RBFOX1: variants seen among roughly 807,000 people sequenced by gnomAD.
The protein encoded by RBFOX1 is RNA binding protein fox-1 homolog 1.
Under a neutral mutation model 57.7 loss-of-function variants are expected in RBFOX1, and 8 were observed. The observed-to-expected ratio is 0.14, with a 90% confidence interval of 0.08 to 0.25. RBFOX1 has a LOEUF of 0.25. Among genes scored for constraint, RBFOX1 ranks in the 10% least tolerant of loss-of-function variants. The pLI is 1.00. For synonymous variants in RBFOX1, 326 were observed against 222.4 expected (o/e 1.47, Z -4.15); for missense variants, 611 against 548.5 (o/e 1.11, Z -1.14).
chr16:5,614,138 G>C (rs1289522545), intron 3 of RBFOX1, among the ~76,000 whole-genome samples: 2 of 152,128 alleles, frequency 1.3e-5, no homozygotes, highest in Non-Finnish European at 2.9e-5. Flanking sequence ...ACTCCCTCTA[G>C]GTTGGGAGGT....
intron 1 of RBFOX1, among the ~76,000 whole-genome samples, chr16:6,020,785 A>G (rs2095058366): frequency 6.6e-6 from 1 of 151,798 alleles, no homozygotes; most frequent in South Asian, 2.1e-4. Flanking sequence ...CCATCTCCCC[A>G]CCGCCCAGGA....
intron 4 of RBFOX1, among the ~76,000 whole-genome samples, chr16:7,324,089 C>T (rs969476748): frequency 1.3e-5 from 2 of 152,118 alleles, no homozygotes; most frequent in African/African-American, 4.8e-5. Flanking sequence ...TAATAGTCAT[C>T]ATGAATTCCC....
chr16:7,319,782 T>C (rs892777218), intron 4 of RBFOX1, among the ~76,000 whole-genome samples: 2 of 152,108 alleles, frequency 1.3e-5, no homozygotes, highest in Admixed American at 6.5e-5. Context: ...AGGTGTGGCT[T>C]TGACTGCCGG....
intron 3 of RBFOX1, among the ~76,000 whole-genome samples, chr16:5,862,057 T>A (rs1034267676): frequency 2.0e-5 from 3 of 152,100 alleles, no homozygotes; most frequent in Non-Finnish European, 4.4e-5. Context: ...TCCTTACAGC[T>A]CAAAAACCTC....
intron 1 of RBFOX1, among the ~76,000 whole-genome samples, chr16:5,379,956 C>A (rs182425235): frequency 6.6e-6 from 1 of 152,180 alleles, no homozygotes; most frequent in African/African-American, 2.4e-5. Flanking sequence ...GAGGAATCAT[C>A]CCGGGCAGGT....
intron 1 of RBFOX1, among the ~76,000 whole-genome samples, chr16:6,215,245 G>T (rs1204940998): frequency 7.6e-6 from 1 of 132,386 alleles, no homozygotes; most frequent in Non-Finnish European, 1.6e-5. Context: ...AGAAGGAGAG[G>T]GAAGGGAGAG....
chr16:5,818,664 A>G (rs1471699618), intron 3 of RBFOX1, among the ~76,000 whole-genome samples: 1 of 152,246 alleles, frequency 6.6e-6, no homozygotes, highest in Non-Finnish European at 1.5e-5. Context: ...AAAAGTTGTC[A>G]GCATGGGAGG....
At chr16:5,394,163 A>G (rs916579101) in intron 1 of RBFOX1, among the ~76,000 whole-genome samples, 3 of 152,008 alleles carry the variant, frequency 2.0e-5, no homozygotes, top group African/African-American at 7.3e-5. Context: ...AGCTGGAATT[A>G]TAGGCATGCA....
At chr16:5,907,376 T>C (rs2058486477) in intron 4 of RBFOX1, among the ~76,000 whole-genome samples, 1 of 152,108 alleles carries the variant, frequency 6.6e-6, no homozygotes, top group African/African-American at 2.4e-5. Context: ...CAAACACTTC[T>C]CCATCCAAAA....
intron 3 of RBFOX1, among the ~76,000 whole-genome samples, chr16:6,827,989 C>G (rs918586106): frequency 6.6e-6 from 1 of 152,172 alleles, no homozygotes; most frequent in Non-Finnish European, 1.5e-5. Flanking sequence ...ATCTTGTCTG[C>G]TTTTTGCTCA....
At chr16:6,636,882 AT>A (rs952442435) in intron 2 of RBFOX1, among the ~76,000 whole-genome samples, 124 of 132,604 alleles carry the variant, frequency 9.4e-4, no homozygotes, top group Admixed American at 3.3e-3. Context: ...TGTTTAATAT[AT>A]TTATATGTTT....
intron 4 of RBFOX1, among the ~76,000 whole-genome samples, chr16:7,074,769 A>G (rs976010112): frequency 6.6e-6 from 1 of 152,230 alleles, no homozygotes; most frequent in Non-Finnish European, 1.5e-5. Flanking sequence ...TATACCTGAA[A>G]ACATTATAAA....
At chr16:5,919,719 T>C (rs2058779503) in intron 4 of RBFOX1, among the ~76,000 whole-genome samples, 1 of 152,216 alleles carries the variant, frequency 6.6e-6, no homozygotes, top group South Asian at 2.1e-4. Context: ...TGATCTCGTT[T>C]CAAAACATTT....
At chr16:7,222,934 A>G (rs12598398) in intron 4 of RBFOX1, among the ~76,000 whole-genome samples, 58,693 of 151,946 alleles carry the variant, frequency 0.39, 11,858 homozygotes, top group East Asian at 0.67. Context: ...TCTCATTTGC[A>G]GCGATTTTTT....
intron 1 of RBFOX1, among the ~76,000 whole-genome samples, chr16:5,324,655 A>G (rs2064512428): frequency 6.6e-6 from 1 of 152,222 alleles, no homozygotes; most frequent in South Asian, 2.1e-4. Flanking sequence ...TGTCCTTTGC[A>G]GGAACATAGA....
rs532408362 is a variant in RBFOX1 at position 5,855,880 on chromosome 16, T to C, written c.319-11423T>C. On this transcript the variant is annotated intron_variant, in intron 3 of 19. Transcript: ENST00000641259. ...TCGGATGTCTTTGCATTTATCTGTC[T>C]TAAGTTTCCTTCATCAATATTTTAT... 5.9e-5 allele frequency among the ~76,000 whole-genome samples: 9 copies of C among 151,672 alleles called. No homozygotes were observed. The South Asian group carries it at 1.9e-3, about 32-fold the overall frequency.
At chr16:7,634,743 G>C (rs2061498268) in intron 11 of RBFOX1, among the ~76,000 whole-genome samples, 2 of 152,112 alleles carry the variant, frequency 1.3e-5, no homozygotes, top group Non-Finnish European at 2.9e-5. Flanking sequence ...ACTTCATGCA[G>C]GTTTAAAACC....
chr16:7,678,509 C>A lies in RBFOX1; in HGVS notation c.995+1671C>A, dbSNP rs1450409601. ...TCTAGATGCTAAATTCTCAAACACC[C>A]ACTTTGTATATAATTATAATCATAG... On this transcript the variant is annotated intron_variant, in intron 14 of 15. Coordinates refer to ENST00000550418, the MANE Select transcript of RBFOX1 (RefSeq NM_018723.4). 2.0e-5 allele frequency among the ~76,000 whole-genome samples: 3 copies of A among 152,046 alleles called. No individual in the cohort carries two copies. In the East Asian group the frequency reaches 5.8e-4, roughly 29 times the overall value.
At chr16:7,658,789 A>T (rs1026978981) in intron 12 of RBFOX1, among the ~76,000 whole-genome samples, 2 of 152,200 alleles carry the variant, frequency 1.3e-5, no homozygotes, top group Non-Finnish European at 2.9e-5. Context: ...CAGTGGTACA[A>T]TCTCTGCTCA....
Sources: gnomAD v4.1 joint callset for allele counts (sites outside exome capture counted in the v4.1 genomes callset) on GRCh38, gnomAD v4.1.1 for gene constraint, MANE v1.5 for transcripts, NCBI Gene and HGNC (gene_info 2026-07-23, HGNC 2026-07-21) for gene names.